The following KCNK12 variants were observed in gnomAD, a reference collection of about 807,000 sequenced individuals.
The protein encoded by KCNK12 is potassium channel subfamily K member 12.
A neutral mutation model predicts 25.3 loss-of-function variants in KCNK12; 6 were observed. That is an observed-to-expected ratio of 0.24 (90% CI 0.13 to 0.47). KCNK12 has a LOEUF of 0.47. Among genes scored for constraint, KCNK12 ranks in the 20% least tolerant of loss-of-function variants. The pLI is 0.99. For synonymous variants in KCNK12, 331 were observed against 311.1 expected (o/e 1.06, Z -0.67); for missense variants, 444 against 661.7 (o/e 0.67, Z 3.61).
rs780360198 is a variant in KCNK12, at chr2:47,521,099, C to T, written c.1101G>A (p.Glu367=). The part of the protein sequence containing the change: ...SDAEGRRLSG[E]LISMRDLTAS... ...CCGTGAGGTCGCGCATGGAGATGAG[C>T]TCGCCCGAGAGGCGGCGGCCCTCGG... is the stretch of plus-strand genomic sequence containing the variant. The change falls in exon 2 of 2, where the codon GAG becomes GAA. Residue 367 remains glutamate (E), a synonymous_variant. Transcript: ENST00000327876. The T allele has an allele frequency of 2.8e-5, 37 of 1,306,918 alleles. 1 individual carries two copies. In the South Asian group the frequency reaches 6.7e-4, roughly 24 times the overall value. The allele number at this position is 1,306,918 out of a possible 1,614,324, so 81.0% of individuals were successfully genotyped here.
At chr2:47,535,699 A>C (rs1669052723) in intron 1 of KCNK12, among the ~76,000 whole-genome samples, 1 of 152,146 alleles carries the variant, frequency 6.6e-6, no homozygotes, top group Non-Finnish European at 1.5e-5. Context: ...TCAGAGAAGT[A>C]AGGCAGCACA....
At chr2:47,536,167 A>C (rs986710409) in intron 1 of KCNK12, among the ~76,000 whole-genome samples, 7 of 151,858 alleles carry the variant, frequency 4.6e-5, no homozygotes, top group African/African-American at 1.7e-4. Context: ...AGCTGCCCTG[A>C]GCTCCCCAGC....
chr2:47,569,460 G>A lies in KCNK12; in HGVS notation c.391+481C>T, dbSNP rs1437844282. 2.7e-5 allele frequency among the ~76,000 whole-genome samples: 4 copies of A among 150,774 alleles called. No individual in the cohort carries two copies. The highest frequency in any genetic ancestry group is 9.7e-5 in the African/African-American group (4 of 41,086). ...GGGGCAAGTGGTCACCCTCTCCAGGGTAAAGGAGTTAGAGGCCACTGAGGG... is the reference window on the plus strand; with the variant it reads ...GGGGCAAGTGGTCACCCTCTCCAGGATAAAGGAGTTAGAGGCCACTGAGGG... On this transcript the variant is annotated intron_variant, in intron 1 of 1. Coordinates refer to ENST00000327876, the MANE Select transcript of KCNK12 (RefSeq NM_022055.2). This position sits in a 1 kb window ranked among gnomAD's most constrained non-coding sequence, Gnocchi z 4.1.
intron 1 of KCNK12, among the ~76,000 whole-genome samples, chr2:47,544,537 G>C (rs937905824): frequency 5.9e-5 from 9 of 152,242 alleles, no homozygotes; most frequent in African/African-American, 2.2e-4. Context: ...CTAACTCATA[G>C]ATTGCAAAAG....
chr2:47,532,180 C>T (rs1573633227), intron 1 of KCNK12, among the ~76,000 whole-genome samples: 1 of 151,002 alleles, frequency 6.6e-6, no homozygotes, highest in African/African-American at 2.4e-5. Flanking sequence ...TATCCTGGAG[C>T]ACACATTCTA....
chr2:47,542,279 C>T (rs934350149), intron 1 of KCNK12, among the ~76,000 whole-genome samples: 1 of 152,170 alleles, frequency 6.6e-6, no homozygotes, highest in Admixed American at 6.5e-5. Context: ...TGAGGATGCT[C>T]AGACGCAGGG....
chr2:47,510,287 C>G lies in KCNK12; in HGVS notation c.*10620G>C, dbSNP rs550020801. 9.2e-5 allele frequency: 14 copies of G among 152,342 alleles called. No homozygotes were observed. The highest frequency in any genetic ancestry group is 2.9e-4 in the African/African-American group (12 of 41,574). 9.4% of individuals were successfully genotyped at this position (152,342 alleles called of 1,614,324 possible). ...TACCGATGGCATCACTGTCACTGCG[C>G]TAGCCCCAGACCACCTGCTCCAGAG... On this transcript the variant is annotated 3_prime_UTR_variant, in exon 2 of 2. Transcript: ENST00000327876.
At position 47,555,192 on chromosome 2, in the gene KCNK12, G is replaced by C. The variant is rs147569076; in HGVS notation, c.391+14749C>G. ...GTAGAAGATGGGTTATTCATCAATA[G>C]ATAAATGGGTTTAAAGCCAAAGGGT... On this transcript the variant is annotated intron_variant, in intron 1 of 1. Transcript: ENST00000327876. This position sits in a 1 kb window ranked among gnomAD's most constrained non-coding sequence, Gnocchi z 4.5. 2.6e-5 allele frequency among the ~76,000 whole-genome samples: 4 copies of C among 152,342 alleles called. No homozygotes were observed. The highest frequency in any genetic ancestry group is 5.9e-5 in the Non-Finnish European group (4 of 68,032).
rs559126576 is a variant in KCNK12, at chr2:47,557,456, C to G, written c.391+12485G>C. 2.0e-5 allele frequency among the ~76,000 whole-genome samples: 3 copies of G among 152,056 alleles called. No homozygotes were observed. Among genetic ancestry groups the G allele is most frequent in the African/African-American group, 2.4e-5 (1 of 41,452 alleles). On this transcript the variant is annotated intron_variant, in intron 1 of 1. Transcript: ENST00000327876. The surrounding 1 kb of genome is among the most constrained non-coding windows in gnomAD (Gnocchi z 4.9). The stretch of plus-strand genomic sequence containing the variant: ...TGTTTGTTTTTTTTTAATAAATTAC[C>G]CAGTCTGTGATATTCTGTTATGGAA...
rs369693776 is a variant in KCNK12, at chr2:47,533,050, G to A, written c.392-11242C>T. Reference sequence around the variant, plus strand: ...TTTTTTGAGACAGGCTCACTCTGTCGCCCAGGCTGGAGTGCAGTGGTGTGA... The same window carrying A: ...TTTTTTGAGACAGGCTCACTCTGTCACCCAGGCTGGAGTGCAGTGGTGTGA... On this transcript the variant is annotated intron_variant, in intron 1 of 1. Coordinates refer to ENST00000327876, the MANE Select transcript of KCNK12 (RefSeq NM_022055.2). The surrounding 1 kb of genome is among the most constrained non-coding windows in gnomAD (Gnocchi z 4.7). 6.9e-4 allele frequency among the ~76,000 whole-genome samples: 105 copies of A among 151,724 alleles called. No individual in the cohort carries two copies. The South Asian group carries it at 0.019, about 28-fold the overall frequency.
In KCNK12 at chr2:47,514,077, T is replaced by C. The variant is rs929309394; in HGVS notation, c.*6830A>G. On this transcript the variant is annotated 3_prime_UTR_variant, in exon 2 of 2. Coordinates refer to ENST00000327876, the MANE Select transcript of KCNK12 (RefSeq NM_022055.2). The surrounding 1 kb of genome is among the most constrained non-coding windows in gnomAD (Gnocchi z 5.0). Reference sequence around the variant, plus strand: ...GGCCCCCTCATTACCTCCCTTGCTCTGCATGCTCCAGTCCTGCAGAACTAC... The same window carrying C: ...GGCCCCCTCATTACCTCCCTTGCTCCGCATGCTCCAGTCCTGCAGAACTAC... Among the ~76,000 whole-genome samples the C allele has an allele frequency of 9.9e-5, 15 of 152,178 alleles. No individual in the cohort carries two copies. The highest frequency in any genetic ancestry group is 1.9e-4 in the Non-Finnish European group (13 of 68,026).
chr2:47,542,325 C>T (rs1669219284), intron 1 of KCNK12, among the ~76,000 whole-genome samples: 1 of 152,228 alleles, frequency 6.6e-6, no homozygotes, highest in Non-Finnish European at 1.5e-5. Flanking sequence ...GGCACATGCA[C>T]AGCCCAGGGA....
In KCNK12 at chr2:47,548,522, C is replaced by G. The variant is rs948451380; in HGVS notation, c.391+21419G>C. On this transcript the variant is annotated intron_variant, in intron 1 of 1. Coordinates refer to ENST00000327876, the MANE Select transcript of KCNK12 (RefSeq NM_022055.2). This position sits in a 1 kb window ranked among gnomAD's most constrained non-coding sequence, Gnocchi z 4.4. ...AAAAGTCTTAGAGCCCTTTTTTATT[C>G]TTTTGCTTTCTCTCACACCCTACAT... is the stretch of plus-strand genomic sequence containing the variant. Among the ~76,000 whole-genome samples, 2 of 152,108 alleles carry G rather than the reference C, an allele frequency of 1.3e-5. No homozygotes were observed. Among genetic ancestry groups the G allele is most frequent in the African/African-American group, 4.8e-5 (2 of 41,426 alleles).
At position 47,529,594 on chromosome 2, in the gene KCNK12, C is replaced by G. The variant is rs1668873768; in HGVS notation, c.392-7786G>C. 6.6e-6 allele frequency among the ~76,000 whole-genome samples: 1 copy of G among 152,194 alleles called. No homozygotes were observed. The highest frequency in any genetic ancestry group is 1.5e-5 in the Non-Finnish European group (1 of 68,042). On this transcript the variant is annotated intron_variant, in intron 1 of 1. Transcript: ENST00000327876. This position sits in a 1 kb window ranked among gnomAD's most constrained non-coding sequence, Gnocchi z 4.3. ...GGCTACTTGGAGAACAGACTGAACT[C>G]CAGGAATGGGCTCTATTAGTCTAGG... is the stretch of plus-strand genomic sequence containing the variant.
Position 47,569,769 on chromosome 2 carries a change from A to G in KCNK12, c.391+172T>C, listed in dbSNP as rs1461748696. Among the ~76,000 whole-genome samples the G allele has an allele frequency of 6.6e-6, 1 of 151,332 alleles. No homozygotes were observed. Among genetic ancestry groups the G allele is most frequent in the African/African-American group, 2.4e-5 (1 of 41,232 alleles). On this transcript the variant is annotated intron_variant, in intron 1 of 1. Coordinates refer to ENST00000327876, the MANE Select transcript of KCNK12 (RefSeq NM_022055.2). The surrounding 1 kb of genome is among the most constrained non-coding windows in gnomAD (Gnocchi z 4.1). The stretch of plus-strand genomic sequence containing the variant: ...CTTCCCTCACTGAAAGCCGGGAGGG[A>G]GAGAGAGAGAGAGAACGGGGGCCGG...
Position 47,551,779 on chromosome 2 carries a change from G to C in KCNK12, c.391+18162C>G, listed in dbSNP as rs553366992. On this transcript the variant is annotated intron_variant, in intron 1 of 1. Transcript: ENST00000327876. This position sits in a 1 kb window ranked among gnomAD's most constrained non-coding sequence, Gnocchi z 5.3. ...AGGCAGATTATTGGTTTAAGATTCA[G>C]TTCTAGCCACAGGCTGCACTGTGCA... Among the ~76,000 whole-genome samples, 2 of 152,216 alleles carry C rather than the reference G, an allele frequency of 1.3e-5. No individual in the cohort carries two copies. Among genetic ancestry groups the C allele is most frequent in the Non-Finnish European group, 2.9e-5 (2 of 68,038 alleles).
At chr2:47,558,824 C>T (rs997237035) in intron 1 of KCNK12, among the ~76,000 whole-genome samples, 6 of 152,272 alleles carry the variant, frequency 3.9e-5, no homozygotes, top group Non-Finnish European at 8.8e-5. Context: ...GGTGCTGGGC[C>T]GTGTGGGTGG....
chr2:47,568,850 G>C lies in KCNK12; in HGVS notation c.391+1091C>G, dbSNP rs149700233. Among the ~76,000 whole-genome samples the C allele has an allele frequency of 7.5e-4, 114 of 152,296 alleles. No homozygotes were observed. The East Asian group carries it at 0.013, about 17-fold the overall frequency. On this transcript the variant is annotated intron_variant, in intron 1 of 1. Transcript: ENST00000327876. ...CCATCCTGGGATTCAAAGCAGGAGT[G>C]GGGGGACACACACAGCCTTGTCAAG... is the stretch of plus-strand genomic sequence containing the variant.
rs1379802760 is a variant in KCNK12 at position 47,521,616 on chromosome 2, C to A, written c.584G>T (p.Arg195Leu). The change falls in exon 2 of 2, where the codon CGC (arginine) becomes CTC (leucine). Residue 195 changes from arginine to leucine, a missense_variant. Physicochemically the swap from Arg to Leu is moderately radical, Grantham distance 102 (BLOSUM62 -2). Coordinates refer to ENST00000327876, the MANE Select transcript of KCNK12 (RefSeq NM_022055.2). ...GGCCTCCGAGAGCGCGGAGCCGCGG[C>A]GGAAGGTGGCGGGCAGCAGGCCGCT... ...RRSGLLPATF[R>L]RGSALSEADS... The A allele has an allele frequency of 6.4e-7, 1 of 1,573,214 alleles. No homozygotes were observed. The highest frequency in any genetic ancestry group is 1.2e-5 in the South Asian group (1 of 86,256).
Sources: gnomAD v4.1 joint callset for allele counts (sites outside exome capture counted in the v4.1 genomes callset) on GRCh38, gnomAD v4.1.1 for gene constraint, Gnocchi (gnomAD v3.1) non-coding constraint, MANE v1.5 for transcripts, NCBI Gene and HGNC (gene_info 2026-07-23, HGNC 2026-07-21) for gene names.